The following GEMIN6 variants were observed in gnomAD, a reference collection of about 807,000 sequenced individuals.
GEMIN6 encodes the protein gem-associated protein 6.
In GEMIN6, 13 loss-of-function variants were observed where a neutral mutation model predicts 14.1. The ratio of observed to expected loss-of-function variants is 0.92; its 90% CI spans 0.60 to 1.46. GEMIN6 has a LOEUF of 1.46. GEMIN6 is among the 40% of genes most tolerant of loss of function. The probability of loss-of-function intolerance (pLI) is 0.00; values close to 1 mark genes in which losing one functional copy is unlikely to be tolerated. For missense variants in GEMIN6, 271 were observed against 202.4 expected (o/e 1.34, Z -2.06); for synonymous variants, 87 against 70.0 (o/e 1.24, Z -1.21).
rs1313742378 is a variant in GEMIN6, at chr2:38,782,073, C to T, written c.*181C>T. 2 of 573,580 alleles carry T rather than the reference C, an allele frequency of 3.5e-6. No homozygotes were observed. The highest frequency in any genetic ancestry group is 3.8e-5 in the African/African-American group (2 of 53,062). The allele number at this position is 573,580 out of a possible 1,614,324, so 35.5% of individuals were successfully genotyped here. On this transcript the variant is annotated 3_prime_UTR_variant, in exon 3 of 3. Transcript: ENST00000281950. ...CTAATTTCCTTGGGAAATTAATGAA[C>T]TAGGGCAAGTATAGCATCCCATGCA...
Position 38,781,672 on chromosome 2 carries a change from G to T in GEMIN6, c.284G>T (p.Ser95Ile), listed in dbSNP as rs1316326210. ...ACGTCTGGAGACTGCAAAGCATACA[G>T]CCCAGAGGATCTGGAAGAGAGAAAG... ...LFTSGDCKAY[S>I]PEDLEERKNS... Residue 95 changes from serine to isoleucine, a missense_variant, in exon 3 of 3, where the codon AGC (serine) becomes ATC (isoleucine). Ser to Ile is a moderately radical substitution (Grantham distance 142). Coordinates refer to ENST00000281950, the MANE Select transcript of GEMIN6 (RefSeq NM_024775.10). 6.2e-7 allele frequency: 1 copy of T among 1,614,052 alleles called. No homozygotes were observed. The highest frequency in any genetic ancestry group is 2.2e-5 in the East Asian group (1 of 44,894).
intron 2 of GEMIN6, 172 bp downstream of exon 2, chr2:38,779,290 G>C (rs570167880): frequency 1.5e-6 from 1 of 660,024 alleles, no homozygotes; most frequent in Non-Finnish European, 2.6e-6. Flanking sequence ...GAATGCAGTG[G>C]CGAGATCTCG....
chr2:38,781,934 T>A lies in GEMIN6; in HGVS notation c.*42T>A, dbSNP rs777308231. ...AACATACTGATAGAAAAAGACTATA[T>A]TTTATCCCTCATAAAATGTTTTAAA... On this transcript the variant is annotated 3_prime_UTR_variant, in exon 3 of 3. Coordinates refer to ENST00000281950, the MANE Select transcript of GEMIN6 (RefSeq NM_024775.10). 7.2e-6 allele frequency: 11 copies of A among 1,527,380 alleles called. No homozygotes were observed. The highest frequency in any genetic ancestry group is 8.8e-6 in the Non-Finnish European group (10 of 1,133,186). The allele number at this position is 1,527,380 out of a possible 1,614,324, so 94.6% of individuals were successfully genotyped here.
intron 1 of GEMIN6, 114 bp downstream of exon 1, chr2:38,778,395 C>T (rs1249840276): frequency 1.3e-5 from 2 of 152,194 alleles, no homozygotes; most frequent in Non-Finnish European, 2.9e-5. Context: ...AGAGCTGTAG[C>T]CGCTGGCCCT....
Position 38,781,610 on chromosome 2 carries a change from G to A in GEMIN6, c.222G>A (p.Gly74=), listed in dbSNP as rs970233626. 2 of 1,614,058 alleles carry A rather than the reference G, an allele frequency of 1.2e-6. No homozygotes were observed. The highest frequency in any genetic ancestry group is 2.2e-5 in the East Asian group (1 of 44,900). ...AGACTGTTGAAACTATGAATGAAGGGGACCATAGAGTGAGGGAGAAGCTGA... is the reference window on the plus strand; with the variant it reads ...AGACTGTTGAAACTATGAATGAAGGAGACCATAGAGTGAGGGAGAAGCTGA... The part of the protein sequence containing the change: ...AVQTVETMNE[G]DHRVREKLMH... The change falls in exon 3 of 3, where the codon GGG becomes GGA. Residue 74 remains glycine (G), a synonymous_variant. Transcript: ENST00000281950.
At chr2:38,778,875 T>A in intron 1 of GEMIN6, 97 bp from the exon 2 acceptor site, 1 of 1,046,280 alleles carries the variant, frequency 9.6e-7, no homozygotes, top group Non-Finnish European at 1.4e-6. Flanking sequence ...TTGAGGCAAA[T>A]CACAGATGTT....
Position 38,784,482 on chromosome 2 carries a change from C to G in GEMIN6, c.*2590C>G, listed in dbSNP as rs1669160480. On this transcript the variant is annotated 3_prime_UTR_variant, in exon 3 of 3. Transcript: ENST00000281950. ...TCTGGGAGGTGGAGGTTGCAGTGAG[C>G]CGAGATTGTACGCATTCCAGCTTGG... 6.6e-6 allele frequency: 1 copy of G among 150,958 alleles called. No homozygotes were observed. Among genetic ancestry groups the G allele is most frequent in the African/African-American group, 2.4e-5 (1 of 41,020 alleles). The allele number at this position is 150,958 out of a possible 1,614,324, so 9.4% of individuals were successfully genotyped here. A position where few individuals can be genotyped will look rare whatever the true frequency, so the allele number is the denominator to read the frequency against.
Position 38,779,031 on chromosome 2 carries a change from A to T in GEMIN6, c.41A>T (p.Asp14Val). The T allele has an allele frequency of 6.2e-7, 1 of 1,613,844 alleles. No individual in the cohort carries two copies. Residue 14 changes from aspartate to valine, a missense_variant, in exon 2 of 3, where the codon GAT becomes GTT. Coordinates refer to ENST00000281950, the MANE Select transcript of GEMIN6 (RefSeq NM_024775.10). ...WMKKGPLEWQ[D>V]YIYKEVRVTA... is the part of the protein sequence containing the mutation. ...AAGAAAGGCCCCTTAGAATGGCAAG[A>T]TTACATTTACAAAGAGGTCCGAGTG...
At chr2:38,778,826 G>A (rs1351340504) in intron 1 of GEMIN6, 146 bp from the exon 2 acceptor site, 12 of 591,808 alleles carry the variant, frequency 2.0e-5, no homozygotes, top group Non-Finnish European at 3.5e-5. Context: ...ATCAGTACAT[G>A]CATTAATACT....
At position 38,781,543 on chromosome 2, in the gene GEMIN6, A is replaced by G. The variant is rs1263799024; in HGVS notation, c.155A>G (p.Asp52Gly). 1 of 1,612,926 alleles carries G rather than the reference A, an allele frequency of 6.2e-7. No homozygotes were observed. The change falls in exon 3 of 3, where the codon GAT becomes GGT. Residue 52 changes from aspartate (D) to glycine (G), a missense_variant. Physicochemically the swap from Asp to Gly is moderately conservative, Grantham distance 94 (BLOSUM62 -1). Transcript: ENST00000281950. ...ANIVLVNFLE[D>G]GSMSVTGIMG... ...ATTGTCCTTGTGAACTTCCTTGAAG[A>G]TGGCAGCATGTCTGTGACCGGAATT...
At position 38,783,442 on chromosome 2, in the gene GEMIN6, C is replaced by G. The variant is rs1450650512; in HGVS notation, c.*1550C>G. On this transcript the variant is annotated 3_prime_UTR_variant, in exon 3 of 3. Transcript: ENST00000281950. ...GACCTCATGATCTGCCTGCCGTGGC[C>G]TCCCAAAGTGCTGGGATTATAGGCA... is the stretch of plus-strand genomic sequence containing the variant. 1 of 151,116 alleles carries G rather than the reference C, an allele frequency of 6.6e-6. No homozygotes were observed. Among genetic ancestry groups the G allele is most frequent in the Non-Finnish European group, 1.5e-5 (1 of 67,986 alleles). 9.4% of individuals were successfully genotyped at this position (151,116 alleles called of 1,614,324 possible).
chr2:38,779,951 AGGATCATAGG>A (rs1214260025), intron 2 of GEMIN6, among the ~76,000 whole-genome samples: 4 of 150,686 alleles, frequency 2.7e-5, no homozygotes, highest in Admixed American at 1.3e-4. Flanking sequence ...CCAAAGTGCT[AGGATCATAGG>A]CTTGAGCCAC....
At chr2:38,778,743 T>C (rs1669008756) in intron 1 of GEMIN6, among the ~76,000 whole-genome samples, 1 of 152,188 alleles carries the variant, frequency 6.6e-6, no homozygotes, top group Non-Finnish European at 1.5e-5. Context: ...TATTAACTAT[T>C]TTCCTTTTCC....
chr2:38,782,156 T>G lies in GEMIN6; in HGVS notation c.*264T>G, dbSNP rs1669106717. On this transcript the variant is annotated 3_prime_UTR_variant, in exon 3 of 3. Transcript: ENST00000281950. Reference sequence around the variant, plus strand: ...GGTCTTCTTTTTTCTTTTTTTCTTTTTTTTTTGAGATGGAGTCTCGCTCTG... The same window carrying G: ...GGTCTTCTTTTTTCTTTTTTTCTTTGTTTTTTGAGATGGAGTCTCGCTCTG... The G allele has an allele frequency of 3.0e-6, 1 of 334,736 alleles. No homozygotes were observed. Among genetic ancestry groups the G allele is most frequent in the Non-Finnish European group, 5.4e-6 (1 of 185,420 alleles). The allele number at this position is 334,736 out of a possible 1,614,324, so 20.7% of individuals were successfully genotyped here.
Position 38,783,087 on chromosome 2 carries a change from C to G in GEMIN6, c.*1195C>G, listed in dbSNP as rs1478128719. 6.6e-6 allele frequency: 1 copy of G among 152,236 alleles called. No homozygotes were observed. Among genetic ancestry groups the G allele is most frequent in the Non-Finnish European group, 1.5e-5 (1 of 68,256 alleles). 9.4% of individuals were successfully genotyped at this position (152,236 alleles called of 1,614,324 possible). ...GTTTTTCCATGTTGGTCAGGCTGGT[C>G]TCAAACTCCCGACCTCAGGTGATCC... On this transcript the variant is annotated 3_prime_UTR_variant, in exon 3 of 3. Transcript: ENST00000281950.
chr2:38,779,608 T>C (rs565043455), intron 2 of GEMIN6, among the ~76,000 whole-genome samples: 1 of 129,568 alleles, frequency 7.7e-6, no homozygotes, highest in Non-Finnish European at 1.6e-5. Flanking sequence ...GGCAACTTCA[T>C]AGAAATTGGG....
intron 2 of GEMIN6, among the ~76,000 whole-genome samples, chr2:38,779,928 C>T (rs920619873): frequency 2.7e-5 from 4 of 150,578 alleles, no homozygotes; most frequent in Non-Finnish European, 5.9e-5. Context: ...GGTGATCTGC[C>T]CACCTTGGCC....
In GEMIN6 at chr2:38,779,031, A is replaced by G; in HGVS notation, c.41A>G (p.Asp14Gly). The G allele has an allele frequency of 1.2e-6, 2 of 1,613,844 alleles. No homozygotes were observed. Among genetic ancestry groups the G allele is most frequent in the Non-Finnish European group, 1.7e-6 (2 of 1,179,890 alleles). ...AAGAAAGGCCCCTTAGAATGGCAAG[A>G]TTACATTTACAAAGAGGTCCGAGTG... is the stretch of plus-strand genomic sequence containing the variant. ...WMKKGPLEWQ[D>G]YIYKEVRVTA... The change falls in exon 2 of 3, where the codon GAT becomes GGT. Residue 14 changes from aspartate to glycine, a missense_variant. Asp to Gly is a moderately conservative substitution (Grantham distance 94). Transcript: ENST00000281950.
rs1409909136 is a variant in GEMIN6 at position 38,783,995 on chromosome 2, A to C, written c.*2103A>C. On this transcript the variant is annotated 3_prime_UTR_variant, in exon 3 of 3. Transcript: ENST00000281950. ...ATTTGCATTTCCAACAGACTCCCAG[A>C]TAATGATGTTACCGTTCCCAGACCA... 1.3e-5 allele frequency: 2 copies of C among 152,172 alleles called. No homozygotes were observed. The highest frequency in any genetic ancestry group is 6.6e-5 in the Admixed American group (1 of 15,248). 9.4% of individuals were successfully genotyped at this position (152,172 alleles called of 1,614,324 possible). A position where few individuals can be genotyped will look rare whatever the true frequency, so the allele number is the denominator to read the frequency against.
Sources: gnomAD v4.1 joint callset for allele counts (sites outside exome capture counted in the v4.1 genomes callset) on GRCh38, gnomAD v4.1.1 for gene constraint, MANE v1.5 for transcripts, NCBI Gene and HGNC (gene_info 2026-07-23, HGNC 2026-07-21) for gene names.